Variants in SV2B observed in about 807,000 individuals in gnomAD.
SV2B encodes synaptic vesicle glycoprotein 2B, also known as solute carrier family 22 member B2.
SV2B carries 41 observed loss-of-function variants against 73.9 expected under a neutral mutation model. That is an observed-to-expected ratio of 0.56 (90% CI 0.43 to 0.72). SV2B has a LOEUF of 0.72. Among genes scored for constraint, SV2B ranks in the 30% least tolerant of loss-of-function variants. The probability of loss-of-function intolerance (pLI) is 0.00; values close to 1 mark genes in which losing one functional copy is unlikely to be tolerated. For synonymous variants in SV2B, 314 were observed against 314.2 expected (o/e 1.00, Z 0.01); for missense variants, 764 against 857.8 (o/e 0.89, Z 1.37).
intron 1 of SV2B, among the ~76,000 whole-genome samples, chr15:91,135,227 G>A (rs2042784236): frequency 6.6e-6 from 1 of 152,106 alleles, no homozygotes; most frequent in Non-Finnish European, 1.5e-5. Context: ...AAACCATTGT[G>A]ATATCTAAGA....
intron 1 of SV2B, among the ~76,000 whole-genome samples, chr15:91,158,158 T>C (rs1360958133): frequency 6.6e-6 from 1 of 152,152 alleles, no homozygotes; most frequent in Non-Finnish European, 1.5e-5. Context: ...TGTTGGGAGA[T>C]GGGGCCTAAT....
chr15:91,285,540 A>C (rs1450353747), intron 11 of SV2B, among the ~76,000 whole-genome samples: 2 of 152,246 alleles, frequency 1.3e-5, no homozygotes, highest in Non-Finnish European at 2.9e-5. Context: ...TCTTAAAAAC[A>C]CTTTGGCTGG....
intron 1 of SV2B, among the ~76,000 whole-genome samples, chr15:91,162,607 C>A (rs563477628): frequency 6.6e-6 from 1 of 152,108 alleles, no homozygotes; most frequent in Non-Finnish European, 1.5e-5. Context: ...CATCACCAAG[C>A]TAAAGTCAAA....
At chr15:91,272,181 C>G (rs1428770518) in intron 9 of SV2B, among the ~76,000 whole-genome samples, 2 of 152,152 alleles carry the variant, frequency 1.3e-5, no homozygotes, top group African/African-American at 4.8e-5. Context: ...GCTTTTGCTT[C>G]AAAACCTGTG....
At chr15:91,222,617 C>T (rs1190242262) in intron 1 of SV2B, among the ~76,000 whole-genome samples, 23 of 152,160 alleles carry the variant, frequency 1.5e-4, no homozygotes, top group Admixed American at 1.2e-3. Flanking sequence ...AGCGACTCTG[C>T]GTGTGACCTT....
chr15:91,262,637 A>C (rs543485175), intron 6 of SV2B, among the ~76,000 whole-genome samples: 2 of 150,876 alleles, frequency 1.3e-5, no homozygotes, highest in African/African-American at 2.5e-5. Context: ...AGTAGACCTC[A>C]GTGTTGGTTG....
At chr15:91,104,907 C>T (rs576081890) in intron 1 of SV2B, among the ~76,000 whole-genome samples, 1 of 152,320 alleles carries the variant, frequency 6.6e-6, no homozygotes, top group African/African-American at 2.4e-5. Context: ...GCTGGGATTA[C>T]AGGCGTGAGC....
In SV2B at chr15:91,201,734, G is replaced by A. The variant is rs144561982; in HGVS notation, c.-391-24139G>A. Among the ~76,000 whole-genome samples, 572 of 152,126 alleles carry A rather than the reference G, an allele frequency of 3.8e-3. 5 individuals are homozygous for A. Among genetic ancestry groups the A allele is most frequent in the Middle Eastern group, 0.01 (3 of 294 alleles). On this transcript the variant is annotated intron_variant, in intron 1 of 12. Transcript: ENST00000394232. ...CTTTGTTGCTATCACATCTTTTATC[G>A]GATCCATCTGCAAATCCAGATAGCT...
chr15:91,111,905 A>G (rs1021880396), intron 1 of SV2B, among the ~76,000 whole-genome samples: 2 of 151,872 alleles, frequency 1.3e-5, no homozygotes, highest in Admixed American at 1.3e-4. Flanking sequence ...AAGTGATTAG[A>G]TCTCATGAGA....
intron 1 of SV2B, among the ~76,000 whole-genome samples, chr15:91,203,432 G>A (rs1346799189): frequency 6.6e-6 from 1 of 152,226 alleles, no homozygotes; most frequent in African/African-American, 2.4e-5. Context: ...ATCCTGTTAT[G>A]TATTGAAGCA....
At chr15:91,260,708 G>A (rs949267839) in intron 6 of SV2B, among the ~76,000 whole-genome samples, 2 of 152,126 alleles carry the variant, frequency 1.3e-5, no homozygotes, top group African/African-American at 2.4e-5. Flanking sequence ...ACATACCCGA[G>A]ACTGGGAAGA....
intron 1 of SV2B, among the ~76,000 whole-genome samples, chr15:91,131,049 T>C (rs750578053): frequency 6.6e-6 from 1 of 150,636 alleles, no homozygotes; most frequent in Non-Finnish European, 1.5e-5. Flanking sequence ...GTGGGTGAAG[T>C]TGGGAGACTT....
At chr15:91,235,643 G>A (rs80304604) in intron 2 of SV2B, among the ~76,000 whole-genome samples, 1 of 152,120 alleles carries the variant, frequency 6.6e-6, no homozygotes, top group South Asian at 2.1e-4. Flanking sequence ...AGCTTTGAAT[G>A]TGACACTTTC....
chr15:91,148,036 A>G (rs907720992), intron 1 of SV2B, among the ~76,000 whole-genome samples: 8 of 115,458 alleles, frequency 6.9e-5, no homozygotes, highest in African/African-American at 2.6e-4. Flanking sequence ...GCTGGAGTGC[A>G]GTGGTGCAAT....
intron 2 of SV2B, among the ~76,000 whole-genome samples, chr15:91,243,814 G>C (rs1258325263): frequency 6.6e-6 from 1 of 152,160 alleles, no homozygotes; most frequent in African/African-American, 2.4e-5. Flanking sequence ...CTGTCTCTCA[G>C]ACTCCCTGAT....
At chr15:91,266,443 A>AT in intron 6 of SV2B, 139 bp from the exon 7 acceptor site, 1 of 623,790 alleles carries the variant, frequency 1.6e-6, no homozygotes, top group Non-Finnish European at 2.7e-6. Context: ...CAGTTTTTGA[A>AT]TTTTTTTGAG....
At chr15:91,102,487 T>C (rs2041758295) in intron 1 of SV2B, among the ~76,000 whole-genome samples, 1 of 151,996 alleles carries the variant, frequency 6.6e-6, no homozygotes, top group Admixed American at 6.5e-5. Context: ...ACAAAGTAGG[T>C]GCTCAAGAAA....
rs2042813891 is a variant in SV2B, at chr15:91,136,040, T to C, written c.-392+35677T>C. Among the ~76,000 whole-genome samples, 1 of 152,134 alleles carries C rather than the reference T, an allele frequency of 6.6e-6. No individual in the cohort carries two copies. Among genetic ancestry groups the C allele is most frequent in the South Asian group, 2.1e-4 (1 of 4,824 alleles). On this transcript the variant is annotated intron_variant, in intron 1 of 12. Transcript: ENST00000394232. The surrounding 1 kb of genome is among the most constrained non-coding windows in gnomAD (Gnocchi z 5.6). ...TGATTTTTTTTTTGGCATGTGTAGA[T>C]ATGAAAATAATATAAAGTTAGATAT...
intron 1 of SV2B, among the ~76,000 whole-genome samples, chr15:91,101,283 G>C (rs978253091): frequency 6.6e-6 from 1 of 152,054 alleles, no homozygotes; most frequent in Non-Finnish European, 1.5e-5. Flanking sequence ...ACTGTAGTCG[G>C]CTCAGCGGTG....
Sources: gnomAD v4.1 joint callset for allele counts (sites outside exome capture counted in the v4.1 genomes callset) on GRCh38, gnomAD v4.1.1 for gene constraint, Gnocchi (gnomAD v3.1) non-coding constraint, MANE v1.5 for transcripts, NCBI Gene and HGNC (gene_info 2026-07-23, HGNC 2026-07-21) for gene names.